Variants in PAK3 observed in about 807,000 individuals in gnomAD.
The protein encoded by PAK3 is serine/threonine-protein kinase PAK 3.
Under a neutral mutation model 41.0 loss-of-function variants are expected in PAK3, and 4 were observed. The ratio of observed to expected loss-of-function variants is 0.10; its 90% CI spans 0.05 to 0.22. The LOEUF (loss-of-function observed/expected upper bound fraction) is 0.22, where lower values mean the gene tolerates loss of function less well. PAK3 is among the 10% of genes least tolerant of loss of function. PAK3 has a pLI of 1.00. For synonymous variants in PAK3, 146 were observed against 139.6 expected (o/e 1.05, Z -0.32); for missense variants, 205 against 409.9 (o/e 0.50, Z 4.32).
intron 16 of PAK3, among the ~76,000 whole-genome samples, chrX:111,198,415 A>C (rs2094639848): frequency 8.9e-6 from 1 of 112,426 alleles, no homozygotes; most frequent in African/African-American, 3.2e-5. Flanking sequence ...CCATGCCCAG[A>C]ATGGTATTTC....
At chrX:110,996,955 G>T (rs777676523) in intron 1 of PAK3, among the ~76,000 whole-genome samples, 1 of 111,875 alleles carries the variant, frequency 8.9e-6, no homozygotes, top group Admixed American at 9.5e-5. Flanking sequence ...TTTTTTGGAG[G>T]AGAGAAACAC....
intron 1 of PAK3, among the ~76,000 whole-genome samples, chrX:111,058,408 C>T (rs2092624476): frequency 9.0e-6 from 1 of 111,365 alleles, no homozygotes; most frequent in Non-Finnish European, 1.9e-5. Context: ...CTTATTGTGG[C>T]TTTGATTTCA....
chrX:110,999,249 G>A (rs2091802876), intron 1 of PAK3, among the ~76,000 whole-genome samples: 1 of 111,849 alleles, frequency 8.9e-6, no homozygotes, highest in Non-Finnish European at 1.9e-5. Flanking sequence ...CACAGGCCAA[G>A]GAGCAGCTAA....
chrX:111,013,088 G>A (rs1427713596), intron 1 of PAK3, among the ~76,000 whole-genome samples: 2 of 112,697 alleles, frequency 1.8e-5, no homozygotes, highest in Non-Finnish European at 3.8e-5. Flanking sequence ...ATGTTCATAT[G>A]TGGTTTGATT....
chrX:111,159,006 A>G, intron 8 of PAK3, among the ~76,000 whole-genome samples: 1 of 111,102 alleles, frequency 9.0e-6, no homozygotes, highest in Non-Finnish European at 1.9e-5. Flanking sequence ...GACTGTATAT[A>G]CTCTCACTTG....
chrX:111,200,673 G>A (rs1345196837), intron 16 of PAK3, among the ~76,000 whole-genome samples: 3 of 111,676 alleles, frequency 2.7e-5, no homozygotes, highest in Non-Finnish European at 3.8e-5. Context: ...AGAACACATC[G>A]GACCTCTTGT....
At chrX:110,967,385 A>G (rs1424463100) in intron 1 of PAK3, among the ~76,000 whole-genome samples, 1 of 111,441 alleles carries the variant, frequency 9.0e-6, no homozygotes, top group African/African-American at 3.3e-5. Flanking sequence ...GGAGACGGGT[A>G]AAAAGAGTGT....
At chrX:111,020,830 C>T (rs1317623585) in intron 1 of PAK3, among the ~76,000 whole-genome samples, 2 of 110,875 alleles carry the variant, frequency 1.8e-5, no homozygotes, top group Non-Finnish European at 3.8e-5. Context: ...GAAGTGAGAC[C>T]GGCCTTTAGG....
At chrX:111,081,075 C>T (rs1483016575) in intron 1 of PAK3, among the ~76,000 whole-genome samples, 1 of 111,261 alleles carries the variant, frequency 9.0e-6, no homozygotes, top group Non-Finnish European at 1.9e-5. Flanking sequence ...TTACCAGAAC[C>T]GGGGGGCAAG....
chrX:111,194,481 T>A, intron 14 of PAK3, 63 bp downstream of exon 14: 7 of 633,647 alleles, frequency 1.1e-5, no homozygotes, highest in Non-Finnish European at 1.6e-5. Flanking sequence ...TCATTTCTGA[T>A]TATTCAGAAT....
chrX:111,035,553 G>T (rs182295056), intron 1 of PAK3, among the ~76,000 whole-genome samples: 1 of 111,926 alleles, frequency 8.9e-6, no homozygotes, highest in African/African-American at 3.3e-5. Context: ...AGAGGCTGTG[G>T]TCACGGCTGT....
At chrX:111,153,236 C>G (rs2094055779) in intron 8 of PAK3, among the ~76,000 whole-genome samples, 1 of 111,541 alleles carries the variant, frequency 9.0e-6, no homozygotes, top group South Asian at 3.8e-4. Flanking sequence ...GGTGAGAAAA[C>G]TGAGGTTTGG....
At chrX:111,172,239 G>C (rs1392580236) in intron 10 of PAK3, among the ~76,000 whole-genome samples, 5 of 111,945 alleles carry the variant, frequency 4.5e-5, no homozygotes, top group Non-Finnish European at 9.4e-5. Context: ...GTTTGGTATT[G>C]ACAACCTTTT....
chrX:111,144,698 G>T (rs931321930), intron 6 of PAK3, among the ~76,000 whole-genome samples: 1 of 110,991 alleles, frequency 9.0e-6, no homozygotes, highest in East Asian at 2.8e-4. Context: ...TTGCTGTGTT[G>T]CTTGGTGATT....
At chrX:111,148,280 A>G (rs911144566) in intron 7 of PAK3, among the ~76,000 whole-genome samples, 3 of 111,948 alleles carry the variant, frequency 2.7e-5, no homozygotes, top group Non-Finnish European at 5.6e-5. Flanking sequence ...GATTTACACC[A>G]TGATGACACA....
intron 16 of PAK3, among the ~76,000 whole-genome samples, chrX:111,214,474 C>G (rs2094855285): frequency 8.9e-6 from 1 of 111,914 alleles, no homozygotes; most frequent in Admixed American, 9.5e-5. Flanking sequence ...TCTAGTTTAG[C>G]CCATTGCTTA....
At chrX:110,946,354 G>GCACATCTCAT (rs5903363) in intron 1 of PAK3, among the ~76,000 whole-genome samples, 1 of 105,315 alleles carries the variant, frequency 9.5e-6, no homozygotes, top group Non-Finnish European at 1.9e-5. Context: ...ATGACTGGTG[G>GCACATCTCAT]CCAAAAAAAA....
chrX:111,163,604 G>T lies in PAK3; in HGVS notation c.643G>T (p.Val215Leu). 1.7e-6 allele frequency: 2 copies of T among 1,202,475 alleles called. No homozygotes were observed. The highest frequency in any genetic ancestry group is 2.3e-6 in the Non-Finnish European group (2 of 887,385). Reference sequence around the variant, plus strand: ...GGTTGAATCCATTGCTTCACCAGCAGTACCAAATAAAGAGGTCACACCACC... The same window carrying T: ...GGTTGAATCCATTGCTTCACCAGCATTACCAAATAAAGAGGTCACACCACC... Reference protein sequence around the residue: ...SVVESIASPAVPNKEVTPPSA... With the variant: ...SVVESIASPALPNKEVTPPSA... Residue 215 changes from valine to leucine, a missense_variant, in exon 10 of 18, where the codon GTA becomes TTA. Physicochemically the swap from Val to Leu is conservative, Grantham distance 32. Coordinates refer to ENST00000372007, the MANE Select transcript of PAK3 (RefSeq NM_002578.5).
intron 4 of PAK3, among the ~76,000 whole-genome samples, chrX:111,113,095 A>G (rs1483617936): frequency 9.0e-6 from 1 of 111,490 alleles, no homozygotes; most frequent in African/African-American, 3.3e-5. Flanking sequence ...CTGTTGAATA[A>G]TAATACCTTA....
Sources: allele counts gnomAD v4.1 joint callset (sites outside exome capture counted in the v4.1 genomes callset), GRCh38; gene constraint gnomAD v4.1.1; transcripts MANE v1.5; gene names NCBI Gene and HGNC (gene_info 2026-07-23, HGNC 2026-07-21).